MICB: variants seen among roughly 807,000 people sequenced by gnomAD.
MICB encodes MHC class I antigen-related protein B.
MICB carries 27 observed loss-of-function variants against 34.3 expected under a neutral mutation model. The ratio of observed to expected loss-of-function variants is 0.79; its 90% CI spans 0.58 to 1.08. The LOEUF (loss-of-function observed/expected upper bound fraction) is 1.08. Among genes scored for constraint, MICB ranks in the 50% least tolerant of loss-of-function variants. MICB has a pLI of 0.00. For missense variants in MICB, 426 were observed against 483.1 expected (o/e 0.88, Z 1.11); for synonymous variants, 153 against 187.4 (o/e 0.82, Z 1.50).
In MICB at chr6:31,507,307, C is replaced by CTGGGGTGA. The variant is rs11509487; in HGVS notation, c.892+8_892+15dup. ...ACTCACCCTGTGCCCTCTGGTGAGC[C>CTGGGGTGA]TGGGGTGACCCTGGAGAGGGTCAGG... On this transcript the variant is annotated splice_region_variant and intron_variant, in intron 4 of 5. Transcript: ENST00000252229. This position sits in a 1 kb window ranked among gnomAD's most constrained non-coding sequence, Gnocchi z 6.0. The CTGGGGTGA allele has an allele frequency of 0.041, 66,865 of 1,612,138 alleles. 3,031 individuals are homozygous for CTGGGGTGA. Among genetic ancestry groups the CTGGGGTGA allele is most frequent in the Admixed American group, 0.17 (10,137 of 59,936 alleles).
Position 31,507,778 on chromosome 6 carries a change from G to A in MICB, c.1024+247G>A, listed in dbSNP as rs757938089. On this transcript the variant is annotated intron_variant, in intron 5 of 5. Transcript: ENST00000252229. This position sits in a 1 kb window ranked among gnomAD's most constrained non-coding sequence, Gnocchi z 6.0. ...CTCCTCCTGCTGCAAGTGAGGAGTG[G>A]GCAGCAGGGAGGGCTGTGGCACCTG... 2.0e-5 allele frequency among the ~76,000 whole-genome samples: 3 copies of A among 152,138 alleles called. No individual in the cohort carries two copies. Among genetic ancestry groups the A allele is most frequent in the Non-Finnish European group, 4.4e-5 (3 of 68,018 alleles).
chr6:31,505,880 C>G lies in MICB; in HGVS notation c.325+9C>G. ...CAAGGACCAGAAAGGAGGTGAGAGT[C>G]GGCAGGGGCAAGAGTAATGGGAGGC... On this transcript the variant is annotated intron_variant, in intron 2 of 5. Transcript: ENST00000252229. The G allele has an allele frequency of 6.3e-7, 1 of 1,592,080 alleles. No homozygotes were observed. Among genetic ancestry groups the G allele is most frequent in the Non-Finnish European group, 8.6e-7 (1 of 1,168,912 alleles).
chr6:31,506,130 T>C lies in MICB; in HGVS notation c.326-13T>C. The stretch of plus-strand genomic sequence containing the variant: ...GGTTCGGGAATGGAGAAGTCACTGC[T>C]GGGTGGGGGCAGGCTTGCATTCCCT... On this transcript the variant is annotated splice_polypyrimidine_tract_variant and intron_variant, in intron 2 of 5. Coordinates refer to ENST00000252229, the MANE Select transcript of MICB (RefSeq NM_005931.5). 1 of 1,608,252 alleles carries C rather than the reference T, an allele frequency of 6.2e-7. No homozygotes were observed. Among genetic ancestry groups the C allele is most frequent in the Non-Finnish European group, 8.5e-7 (1 of 1,176,760 alleles).
intron 1 of MICB, among the ~76,000 whole-genome samples, chr6:31,499,571 A>T (rs1293490571): frequency 6.7e-6 from 1 of 149,376 alleles, no homozygotes; most frequent in Non-Finnish European, 1.5e-5. Context: ...CCTCCATCCC[A>T]CTCCCCTCCA....
chr6:31,500,414 A>T (rs1397360412), intron 1 of MICB, among the ~76,000 whole-genome samples: 1 of 152,190 alleles, frequency 6.6e-6, no homozygotes, highest in East Asian at 1.9e-4. Context: ...TAAATGGGTT[A>T]TCTATCACAA....
intron 1 of MICB, among the ~76,000 whole-genome samples, chr6:31,503,954 TGTGTGTGTG>T (rs1562360641): frequency 2.0e-5 from 3 of 149,448 alleles, no homozygotes; most frequent in East Asian, 2.0e-4. Flanking sequence ...ACTTGCTGTG[TGTGTGTGTG>T]TGTGTGTGTG....
At position 31,506,234 on chromosome 6, in the gene MICB, C is replaced by A. The variant is rs1205747084; in HGVS notation, c.417C>A (p.Leu139=). Residue 139 remains leucine (L), a synonymous_variant, in exon 3 of 6, where the codon CTC becomes CTA. Transcript: ENST00000252229. ...GSRHFYYDGE[L]FLSQNLETQE... ...GGCATTTCTACTACGATGGGGAGCTCTTCCTCTCCCAAAACCTGGAGACTC... is the reference window on the plus strand; with the variant it reads ...GGCATTTCTACTACGATGGGGAGCTATTCCTCTCCCAAAACCTGGAGACTC... The A allele has an allele frequency of 2.5e-6, 4 of 1,614,160 alleles. No individual in the cohort carries two copies. The South Asian group carries it at 3.3e-5, about 13-fold the overall frequency.
upstream of MICB, chr6:31,498,042 C>G (rs3828914): frequency 4.5e-6 from 2 of 440,616 alleles, no homozygotes; most frequent in Middle Eastern, 3.7e-4. Context: ...GCCCTCTCCA[C>G]TCATGATTGG....
Position 31,507,559 on chromosome 6 carries a change from T to C in MICB, c.1024+28T>C. 6.2e-7 allele frequency: 1 copy of C among 1,613,862 alleles called. No homozygotes were observed. The highest frequency in any genetic ancestry group is 1.1e-5 in the South Asian group (1 of 91,066). The stretch of plus-strand genomic sequence containing the variant: ...GAGAAAAGGGGACAGTTTCTGGAGA[T>C]GGGAAAGCTCCTTTCTAGGCAGTAG... On this transcript the variant is annotated intron_variant, in intron 5 of 5. Coordinates refer to ENST00000252229, the MANE Select transcript of MICB (RefSeq NM_005931.5). This position sits in a 1 kb window ranked among gnomAD's most constrained non-coding sequence, Gnocchi z 6.0.
rs143637490 is a variant in MICB, at chr6:31,510,459, C to T, written c.*550C>T. ...TTGTCTTTCTCTTTATTCCCACGTT[C>T]GCCCTTTGTTCAGTCCAATACAGGG... On this transcript the variant is annotated 3_prime_UTR_variant, in exon 6 of 6. Coordinates refer to ENST00000252229, the MANE Select transcript of MICB (RefSeq NM_005931.5). 3.1e-3 allele frequency: 477 copies of T among 152,362 alleles called. 1 individual carries two copies. The highest frequency in any genetic ancestry group is 0.023 in the South Asian group (112 of 4,822). 9.4% of individuals were successfully genotyped at this position (152,362 alleles called of 1,614,324 possible).
At chr6:31,496,884 CATCCTGGTGGG>C (rs1165205202), upstream of MICB, 1 of 152,548 alleles carries the variant, frequency 6.6e-6, no homozygotes, top group African/African-American at 2.4e-5. Flanking sequence ...TAGGCAGTGG[CATCCTGGTGGG>C]ATAGGGTGAG....
chr6:31,498,159 T>G lies in MICB; in HGVS notation c.-35T>G. On this transcript the variant is annotated 5_prime_UTR_variant, in exon 1 of 6. Transcript: ENST00000252229. ...TCACGGGTTTCATTCAGTTGGCCAC[T>G]GCTGAGCAGCTGAGAAGGTGGCGAC... 4 of 1,554,594 alleles carry G rather than the reference T, an allele frequency of 2.6e-6. No individual in the cohort carries two copies. Among genetic ancestry groups the G allele is most frequent in the Non-Finnish European group, 3.5e-6 (4 of 1,144,648 alleles).
chr6:31,503,489 A>G (rs1765112638), intron 1 of MICB, among the ~76,000 whole-genome samples: 2 of 152,162 alleles, frequency 1.3e-5, no homozygotes, highest in Non-Finnish European at 2.9e-5. Flanking sequence ...GGTAACCATC[A>G]TTCTACTTTT....
chr6:31,509,358 A>AG (rs1397544040), intron 5 of MICB, among the ~76,000 whole-genome samples: 1 of 152,194 alleles, frequency 6.6e-6, no homozygotes, highest in African/African-American at 2.4e-5. Context: ...GATAGAGGGC[A>AG]GGGCCCACAG....
At position 31,510,474 on chromosome 6, in the gene MICB, CCA is replaced by C. The variant is rs1240445899; in HGVS notation, c.*566_*567del. 1 of 152,232 alleles carries C rather than the reference CCA, an allele frequency of 6.6e-6. No homozygotes were observed. Among genetic ancestry groups the C allele is most frequent in the Non-Finnish European group, 1.5e-5 (1 of 68,108 alleles). The allele number at this position is 152,232 out of a possible 1,614,324, so 9.4% of individuals were successfully genotyped here. A position where few individuals can be genotyped will look rare whatever the true frequency, so the allele number is the denominator to read the frequency against. ...TTCCCACGTTCGCCCTTTGTTCAGT[CCA>C]ATACAGGGTTGTGGGGCCCTTAACA... On this transcript the variant is annotated 3_prime_UTR_variant, in exon 6 of 6. Coordinates refer to ENST00000252229, the MANE Select transcript of MICB (RefSeq NM_005931.5).
chr6:31,506,472 G>T, intron 3 of MICB, 42 bp downstream of exon 3: 1 of 1,589,960 alleles, frequency 6.3e-7, no homozygotes, highest in South Asian at 1.1e-5. Flanking sequence ...CCGCAATTCT[G>T]CTAGAGTTGC....
chr6:31,508,599 T>C (rs1259521076), intron 5 of MICB, among the ~76,000 whole-genome samples: 1 of 152,214 alleles, frequency 6.6e-6, no homozygotes, highest in East Asian at 1.9e-4. Context: ...AGTGCAGGTC[T>C]GTGGTCACTC....
chr6:31,506,273 GC>G lies in MICB; in HGVS notation c.460del (p.Gln154SerfsTer10). The G allele has an allele frequency of 6.2e-7, 1 of 1,614,222 alleles. No homozygotes were observed. The highest frequency in any genetic ancestry group is 8.5e-7 in the Non-Finnish European group (1 of 1,180,040). ...QNLETQESTV[P>X]QSSRAQTLAM... Reference sequence around the variant, plus strand: ...ACCTGGAGACTCAAGAATCGACAGTGCCCCAGTCCTCCAGAGCTCAGACCTT... The same window carrying G: ...ACCTGGAGACTCAAGAATCGACAGTGCCCAGTCCTCCAGAGCTCAGACCTT... On this transcript the variant is annotated frameshift_variant, in exon 3 of 6. Transcript: ENST00000252229. LOFTEE classifies it high-confidence loss of function.
At chr6:31,497,008 GAGT>G (rs1764703483), upstream of MICB, among the ~76,000 whole-genome samples, 1 of 152,178 alleles carries the variant, frequency 6.6e-6, no homozygotes, top group South Asian at 2.1e-4. Flanking sequence ...TTCCATGGTA[GAGT>G]AGAAGCATCC....
Sources: allele counts gnomAD v4.1 joint callset (sites outside exome capture counted in the v4.1 genomes callset), GRCh38; gene constraint gnomAD v4.1.1; non-coding constraint Gnocchi (gnomAD v3.1); transcripts MANE v1.5; gene names NCBI Gene and HGNC (gene_info 2026-07-23, HGNC 2026-07-21).